HNF1B: variants seen among roughly 807,000 people sequenced by gnomAD.
HNF1B encodes hepatocyte nuclear factor 1-beta.
In HNF1B, 8 loss-of-function variants were observed where a neutral mutation model predicts 61.7. That is an observed-to-expected ratio of 0.13 (90% CI 0.08 to 0.23). The LOEUF (loss-of-function observed/expected upper bound fraction) is 0.23. HNF1B is among the 10% of genes least tolerant of loss of function. The pLI, the probability that HNF1B is intolerant of heterozygous loss-of-function variation, is 1.00. For missense variants in HNF1B, 562 were observed against 714.5 expected (o/e 0.79, Z 2.43); for synonymous variants, 314 against 287.7 (o/e 1.09, Z -0.93).
chr17:37,737,910 T>A (rs1440549210), intron 2 of HNF1B, among the ~76,000 whole-genome samples: 5 of 152,156 alleles, frequency 3.3e-5, no homozygotes, highest in Non-Finnish European at 7.4e-5. Flanking sequence ...GCTGTTGTAT[T>A]TGTAAAACGT....
At chr17:37,717,101 A>G (rs718961) in intron 4 of HNF1B, among the ~76,000 whole-genome samples, 124,463 of 152,112 alleles carry the variant, frequency 0.82, 51,425 homozygotes, top group African/African-American at 0.94. Context: ...AGAAATGAGG[A>G]AAGTGGGGAT....
At position 37,687,323 on chromosome 17, in the gene HNF1B, G is replaced by A. The variant is rs1455898905; in HGVS notation, c.*49C>T. The A allele has an allele frequency of 2.5e-6, 4 of 1,614,066 alleles. No homozygotes were observed. The highest frequency in any genetic ancestry group is 1.7e-5 in the Admixed American group (1 of 60,028). ...ACAGCTGCCCAGAGGGTGATGGTGT[G>A]GAAAACAGGGTCCTTGTTGTTGCGC... On this transcript the variant is annotated 3_prime_UTR_variant, in exon 9 of 9. Coordinates refer to ENST00000617811, the MANE Select transcript of HNF1B (RefSeq NM_000458.4).
chr17:37,739,776 C>A (rs2033938847), intron 1 of HNF1B, 137 bp from the exon 2 acceptor site: 1 of 796,066 alleles, frequency 1.3e-6, no homozygotes, highest in African/African-American at 1.7e-5. Flanking sequence ...TTGGGGTAGA[C>A]ATGAGGCCAA....
At chr17:37,718,739 C>A (rs2033207203) in intron 4 of HNF1B, among the ~76,000 whole-genome samples, 1 of 152,216 alleles carries the variant, frequency 6.6e-6, no homozygotes. Context: ...GAGGGCAGGA[C>A]CTTGTCTGTA....
intron 4 of HNF1B, among the ~76,000 whole-genome samples, chr17:37,723,110 C>T (rs1238026259): frequency 6.6e-6 from 1 of 151,610 alleles, no homozygotes; most frequent in Non-Finnish European, 1.5e-5. Flanking sequence ...GAGGCCGAGG[C>T]GGGCAGATCA....
chr17:37,704,548 C>T (rs528117260), intron 6 of HNF1B, among the ~76,000 whole-genome samples: 1 of 152,278 alleles, frequency 6.6e-6, no homozygotes, highest in South Asian at 2.1e-4. Flanking sequence ...GTGTAAGCTA[C>T]GATGTTATAC....
intron 8 of HNF1B, among the ~76,000 whole-genome samples, chr17:37,689,146 CAAAA>C (rs71368464): frequency 2.4e-4 from 15 of 62,426 alleles, no homozygotes; most frequent in African/African-American, 7.0e-4. Flanking sequence ...CTTGGTCTCA[CAAAA>C]AAAAAAAAAA....
intron 8 of HNF1B, among the ~76,000 whole-genome samples, chr17:37,692,994 G>T (rs757370913): frequency 6.6e-6 from 1 of 151,892 alleles, no homozygotes; most frequent in Non-Finnish European, 1.5e-5. Flanking sequence ...TTTGAGAGCA[G>T]CCTGGCCAAC....
intron 8 of HNF1B, 35 bp downstream of exon 8, chr17:37,699,041 C>T: frequency 4.7e-6 from 7 of 1,496,072 alleles, no homozygotes; most frequent in Non-Finnish European, 6.5e-6. Context: ...ACACCCTGCC[C>T]ACACCCCAAC....
intron 6 of HNF1B, among the ~76,000 whole-genome samples, chr17:37,702,238 G>A (rs532913984): frequency 1.2e-4 from 18 of 152,334 alleles, no homozygotes; most frequent in Admixed American, 9.8e-4. Flanking sequence ...AGGCTTTCCT[G>A]AAATGGAGAC....
chr17:37,715,993 A>G (rs765997062), intron 4 of HNF1B, among the ~76,000 whole-genome samples: 3 of 152,006 alleles, frequency 2.0e-5, no homozygotes, highest in African/African-American at 4.8e-5. Context: ...TTAGCTGGGT[A>G]TGGTGGTACG....
chr17:37,721,402 C>T (rs1206088171), intron 4 of HNF1B, among the ~76,000 whole-genome samples: 1 of 152,146 alleles, frequency 6.6e-6, no homozygotes, highest in Non-Finnish European at 1.5e-5. Context: ...CCTCTGCACT[C>T]CAAGCTGCGG....
At chr17:37,724,320 A>G (rs112664713) in intron 4 of HNF1B, among the ~76,000 whole-genome samples, 164 of 117,464 alleles carry the variant, frequency 1.4e-3, no homozygotes, top group African/African-American at 3.1e-3. Flanking sequence ...TTAGCTACAC[A>G]TTGGTATCAC....
chr17:37,700,062 A>G (rs769110544), intron 7 of HNF1B, among the ~76,000 whole-genome samples: 1 of 152,180 alleles, frequency 6.6e-6, no homozygotes, highest in Non-Finnish European at 1.5e-5. Flanking sequence ...TTATGGATGT[A>G]GAGATTGGAC....
At chr17:37,731,469 G>A (rs1568663655) in intron 4 of HNF1B, 126 bp downstream of exon 4, 1 of 782,418 alleles carries the variant, frequency 1.3e-6, no homozygotes, top group East Asian at 2.7e-5. Flanking sequence ...TTCTGGCAAT[G>A]AGAGAGCGGC....
chr17:37,744,841 G>T lies in HNF1B; in HGVS notation c.44C>A (p.Ala15Asp). The part of the protein sequence containing the change: ...LTSLQQELLS[A>D]LLSSGVTKEV... ...CTTGGTGACCCCGGAGCTCAGCAGG[G>T]CGCTCAGGAGTTCTTGCTGGAGCGA... The change falls in exon 1 of 9, where the codon GCC becomes GAC. Residue 15 changes from alanine (A) to aspartate (D), a missense_variant. Ala to Asp is a moderately radical substitution (Grantham distance 126, BLOSUM62 -2). Around this residue, in one of 6 missense-constraint regions of HNF1B, gnomAD observed 148 missense variants for 147.3 expected, o/e 1.00. Transcript: ENST00000617811. 1 of 1,613,186 alleles carries T rather than the reference G, an allele frequency of 6.2e-7. No individual in the cohort carries two copies. Among genetic ancestry groups the T allele is most frequent in the Non-Finnish European group, 8.5e-7 (1 of 1,179,996 alleles).
rs767183631 is a variant in HNF1B at position 37,733,646 on chromosome 17, G to A, written c.720C>T (p.Pro240=). 110 of 1,614,004 alleles carry A rather than the reference G, an allele frequency of 6.8e-5. No homozygotes were observed. The highest frequency in any genetic ancestry group is 8.3e-5 in the Non-Finnish European group (98 of 1,180,032). The change falls in exon 3 of 9, where the codon CCC becomes CCT. Residue 240 remains proline (P), a synonymous_variant. Coordinates refer to ENST00000617811, the MANE Select transcript of HNF1B (RefSeq NM_000458.4). The part of the protein sequence containing the change: ...KMRRNRFKWG[P]ASQQILYQAY... The stretch of plus-strand genomic sequence containing the variant: ...CCTGGTACAAGATTTGCTGGGACGC[G>A]GGCCCCCATTTGAACCGGTTGCGGC...
intron 4 of HNF1B, among the ~76,000 whole-genome samples, chr17:37,720,233 C>T (rs1226559062): frequency 2.0e-5 from 3 of 152,134 alleles, no homozygotes; most frequent in Admixed American, 6.5e-5. Flanking sequence ...AAAGAGGAGA[C>T]GTTCTTGCTC....
In HNF1B at chr17:37,700,993, C is replaced by T; in HGVS notation, c.1524G>A (p.Gln508=). Reference sequence around the variant, plus strand: ...TGCCCGTGTCCTTACTGTGTGAGTTCTGCAGCTGAGTCACAGCTGCCATGA... The same window carrying T: ...TGCCCGTGTCCTTACTGTGTGAGTTTTGCAGCTGAGTCACAGCTGCCATGA... ...QPFMAAVTQL[Q]NSHMYAHKQE... is the part of the protein sequence containing the mutation. The change falls in exon 7 of 9, where the codon CAG becomes CAA. Residue 508 remains glutamine, a synonymous_variant. Transcript: ENST00000617811. The T allele has an allele frequency of 1.3e-6, 2 of 1,556,470 alleles. No homozygotes were observed. Among genetic ancestry groups the T allele is most frequent in the Non-Finnish European group, 1.7e-6 (2 of 1,149,802 alleles).
Sources: allele counts gnomAD v4.1 joint callset (sites outside exome capture counted in the v4.1 genomes callset), GRCh38; gene constraint gnomAD v4.1.1; regional missense constraint gnomAD v4.1.1; transcripts MANE v1.5; gene names NCBI Gene and HGNC (gene_info 2026-07-23, HGNC 2026-07-21).